The following OVCH1 variants were observed in gnomAD, a reference collection of about 807,000 sequenced individuals.
OVCH1 encodes the protein ovochymase-1.
OVCH1 carries 139 observed loss-of-function variants against 138.4 expected under a neutral mutation model. The ratio of observed to expected loss-of-function variants is 1.00; its 90% CI spans 0.87 to 1.16. The LOEUF is 1.16. Ranked by LOEUF, OVCH1 falls within the 50% of genes most tolerant of loss-of-function variation. The pLI is 0.00. For missense variants in OVCH1, 1,367 were observed against 1,357.9 expected (o/e 1.01, Z -0.11); for synonymous variants, 453 against 467.8 (o/e 0.97, Z 0.41).
chr12:29,444,221 G>T, exon 24 of OVCH1: 4 of 1,612,292 alleles, frequency 2.5e-6, no homozygotes, highest in Non-Finnish European at 3.4e-6. Context: ...TCCTCACAAG[G>T]GACCAAGTGC....
intron 3 of OVCH1, among the ~76,000 whole-genome samples, chr12:29,414,946 TTAC>T (rs1173371864): frequency 3.3e-5 from 5 of 152,140 alleles, no homozygotes; most frequent in Non-Finnish European, 5.9e-5. Context: ...AGGTATATTA[TTAC>T]AACTACTTAA....
At chr12:29,417,197 AAG>A in intron 3 of OVCH1, among the ~76,000 whole-genome samples, 1 of 152,258 alleles carries the variant, frequency 6.6e-6, no homozygotes, top group East Asian at 1.9e-4. Flanking sequence ...TTTGCTATAA[AAG>A]AGCAACACTT....
intron 27 of OVCH1, among the ~76,000 whole-genome samples, chr12:29,427,825 C>T (rs1284425843): frequency 6.6e-6 from 1 of 152,084 alleles, no homozygotes; most frequent in African/African-American, 2.4e-5. Flanking sequence ...TAAAATTGTG[C>T]GAGCTCACAA....
chr12:29,412,756 A>G (rs1592019635), intron 3 of OVCH1: 1 of 152,206 alleles, frequency 6.6e-6, no homozygotes. Context: ...AGAAAAAGGT[A>G]AATATCATTT....
chr12:29,439,235 TTTTCC>T, intron 26 of OVCH1: 3 of 1,208,742 alleles, frequency 2.5e-6, no homozygotes, highest in Non-Finnish European at 3.2e-6. Context: ...CTCAAAGTCC[TTTTCC>T]TTTATTTTGT....
At chr12:29,403,336 A>ATG in the OVCH1 span, among the ~76,000 whole-genome samples, 4 of 152,240 alleles carry the variant, frequency 2.6e-5, no homozygotes, top group Non-Finnish European at 5.9e-5. Context: ...GAATATATAT[A>ATG]TGTAAATTTT....
At chr12:29,494,125 C>A (rs77326791) in intron 4 of OVCH1, among the ~76,000 whole-genome samples, 4,043 of 152,228 alleles carry the variant, frequency 0.027, 204 homozygotes, top group African/African-American at 0.092. Flanking sequence ...AAGTAAGTGT[C>A]CTTATTCCCT....
chr12:29,437,822 G>A (rs917987899), intron 26 of OVCH1, among the ~76,000 whole-genome samples: 1 of 152,218 alleles, frequency 6.6e-6, no homozygotes, highest in Non-Finnish European at 1.5e-5. Context: ...TGGGTCAACA[G>A]TGTGTCATTC....
chr12:29,496,531 A>G (rs1179745139), intron 2 of OVCH1, 25 bp downstream of exon 2: 1 of 1,520,276 alleles, frequency 6.6e-7, no homozygotes, highest in Non-Finnish European at 9.0e-7. Flanking sequence ...TCTCATTAAG[A>G]AATCAATGCC....
At chr12:29,436,658 G>C (rs928221482) in intron 26 of OVCH1, among the ~76,000 whole-genome samples, 1 of 152,110 alleles carries the variant, frequency 6.6e-6, no homozygotes, top group Non-Finnish European at 1.5e-5. Flanking sequence ...TCTTCCTTCC[G>C]GTGGGTTCAT....
At chr12:29,416,392 C>G (rs1037106537) in intron 3 of OVCH1, among the ~76,000 whole-genome samples, 1 of 152,040 alleles carries the variant, frequency 6.6e-6, no homozygotes, top group African/African-American at 2.4e-5. Flanking sequence ...CTGGGAGGAA[C>G]ATCTGCAAAC....
chr12:29,449,013 AGTTT>A (rs2135937240), intron 22 of OVCH1, among the ~76,000 whole-genome samples: 1 of 152,292 alleles, frequency 6.6e-6, no homozygotes, highest in Non-Finnish European at 1.5e-5. Flanking sequence ...GGAGGAAGCA[AGTTT>A]GTTCTGTTGA....
At chr12:29,477,546 G>C (rs943546099) in exon 10 of OVCH1, 3 of 1,613,824 alleles carry the variant, frequency 1.9e-6, no homozygotes, top group South Asian at 1.1e-5. Context: ...CGTTTGTTTT[G>C]TTTTCCATCG....
At chr12:29,442,224 A>G (rs971899777) in intron 25 of OVCH1, among the ~76,000 whole-genome samples, 2 of 152,118 alleles carry the variant, frequency 1.3e-5, no homozygotes, top group African/African-American at 4.8e-5. Flanking sequence ...AACCAAGCCA[A>G]ATGTCCAACA....
chr12:29,427,729 G>GC, intron 27 of OVCH1: 1 of 1,505,956 alleles, frequency 6.6e-7, no homozygotes, highest in East Asian at 2.5e-5. Flanking sequence ...TGATAGCCTA[G>GC]CTAACGGGGA....
intron 3 of OVCH1, among the ~76,000 whole-genome samples, chr12:29,415,046 A>C (rs551798592): frequency 1.3e-5 from 2 of 152,294 alleles, no homozygotes; most frequent in East Asian, 3.9e-4. Flanking sequence ...TACAGGTGGG[A>C]AGTGTCTTGT....
At chr12:29,425,370 A>G (rs1314627339), downstream of OVCH1, among the ~76,000 whole-genome samples, 1 of 152,244 alleles carries the variant, frequency 6.6e-6, no homozygotes, top group Non-Finnish European at 1.5e-5. Flanking sequence ...TAAGTTGAAC[A>G]TTACACCTAA....
chr12:29,431,652 A>G (rs1443722613), intron 27 of OVCH1, among the ~76,000 whole-genome samples: 1 of 152,214 alleles, frequency 6.6e-6, no homozygotes, highest in Non-Finnish European at 1.5e-5. Flanking sequence ...TTATTCACAT[A>G]GACATATCAT....
At chr12:29,467,927 T>G (rs962435214) in intron 16 of OVCH1, among the ~76,000 whole-genome samples, 18 of 152,236 alleles carry the variant, frequency 1.2e-4, no homozygotes, top group Admixed American at 3.9e-4. Flanking sequence ...ACATAGGGTT[T>G]TTGTTACACC....
Sources: gnomAD v4.1 joint callset for allele counts (sites outside exome capture counted in the v4.1 genomes callset) on GRCh38, gnomAD v4.1.1 for gene constraint, MANE v1.5 for transcripts, NCBI Gene and HGNC (gene_info 2026-07-23, HGNC 2026-07-21) for gene names.